The following AGPAT4 variants were observed in gnomAD, a reference collection of about 807,000 sequenced individuals.
AGPAT4 encodes the protein 1-acylglycerol-3-phosphate O-acyltransferase 4, also known as 1-acyl-sn-glycerol-3-phosphate acyltransferase delta.
Under a neutral mutation model 48.0 loss-of-function variants are expected in AGPAT4, and 15 were observed. The ratio of observed to expected loss-of-function variants is 0.31; its 90% CI spans 0.21 to 0.48. AGPAT4 has a LOEUF of 0.48. AGPAT4 is among the 20% of genes least tolerant of loss of function. AGPAT4 has a pLI of 0.99. For missense variants in AGPAT4, 314 were observed against 482.5 expected (o/e 0.65, Z 3.27); for synonymous variants, 178 against 198.7 (o/e 0.90, Z 0.88).
In AGPAT4 at chr6:161,136,351, G is replaced by GA. The variant is rs537340762; in HGVS notation, c.*188dup. On this transcript the variant is annotated 3_prime_UTR_variant, in exon 9 of 9. Transcript: ENST00000320285. Reference sequence around the variant, plus strand: ...ACCAAAGCCCACTAAAGCACATGGGGAAAAAAAGATTACAAAACATCTTCC... The same window carrying GA: ...ACCAAAGCCCACTAAAGCACATGGGGAAAAAAAAGATTACAAAACATCTTCC... 1 of 596,086 alleles carries GA rather than the reference G, an allele frequency of 1.7e-6. No homozygotes were observed. The highest frequency in any genetic ancestry group is 2.0e-5 in the South Asian group (1 of 50,390). 36.9% of individuals were successfully genotyped at this position (596,086 alleles called of 1,614,324 possible). A position where few individuals can be genotyped will look rare whatever the true frequency, so the allele number is the denominator to read the frequency against.
rs1219789051 is a variant in AGPAT4, at chr6:161,138,450, C to A, written c.1042+972G>T. On this transcript the variant is annotated intron_variant, in intron 8 of 8. Transcript: ENST00000320285. The surrounding 1 kb of genome is among the most constrained non-coding windows in gnomAD (Gnocchi z 4.8). ...GGTGAAAAGGCGAGCTGAAGAAACT[C>A]CACTGATACGGGTTTATAGATGCAC... Among the ~76,000 whole-genome samples, 1 of 152,072 alleles carries A rather than the reference C, an allele frequency of 6.6e-6. No homozygotes were observed. The highest frequency in any genetic ancestry group is 1.9e-4 in the East Asian group (1 of 5,174).
rs1456533226 is a variant in AGPAT4, at chr6:161,255,995, G to A, written c.-90+17943C>T. ...GCCATGTCAACACATAGAGGGACAT[G>A]CTGTTTAGATGAAGGAAATGAGCTG... is the stretch of plus-strand genomic sequence containing the variant. On this transcript the variant is annotated intron_variant, in intron 1 of 8. Transcript: ENST00000320285. This position sits in a 1 kb window ranked among gnomAD's most constrained non-coding sequence, Gnocchi z 4.7. 6.6e-6 allele frequency among the ~76,000 whole-genome samples: 1 copy of A among 152,194 alleles called. No individual in the cohort carries two copies. The highest frequency in any genetic ancestry group is 1.5e-5 in the Non-Finnish European group (1 of 68,048).
Position 161,232,036 on chromosome 6 carries a change from G to C in AGPAT4, c.178C>G (p.Gln60Glu). Reference sequence around the variant, plus strand: ...AAATATAGAATCTTAAGTATCTTACGGCTTGAGATGCAATAGGACAGTCTG... The same window carrying C: ...AAATATAGAATCTTAAGTATCTTACCGCTTGAGATGCAATAGGACAGTCTG... ...NCRLSYCISSQLVMLLEWWSG... is the reference protein window; with the variant it reads ...NCRLSYCISSELVMLLEWWSG... Residue 60 changes from glutamine (Q) to glutamate (E), a missense_variant and splice_region_variant, in exon 2 of 9, where the codon CAG (glutamine) becomes GAG (glutamate). Coordinates refer to ENST00000320285, the MANE Select transcript of AGPAT4 (RefSeq NM_020133.3). The surrounding 1 kb of genome is among the most constrained non-coding windows in gnomAD (Gnocchi z 6.8). 1 of 1,613,540 alleles carries C rather than the reference G, an allele frequency of 6.2e-7. No individual in the cohort carries two copies. Among genetic ancestry groups the C allele is most frequent in the African/African-American group, 1.3e-5 (1 of 74,998 alleles).
In AGPAT4 at chr6:161,240,504, G is replaced by A. The variant is rs1254654497; in HGVS notation, c.-89-8202C>T. Among the ~76,000 whole-genome samples, 2 of 152,216 alleles carry A rather than the reference G, an allele frequency of 1.3e-5. No homozygotes were observed. Among genetic ancestry groups the A allele is most frequent in the Admixed American group, 1.3e-4 (2 of 15,290 alleles). ...TCCCATCTACAGAGAAGATTCCCAA[G>A]TGGCCCAGGTTAACCAGACAAATAA... is the stretch of plus-strand genomic sequence containing the variant. On this transcript the variant is annotated intron_variant, in intron 1 of 8. Transcript: ENST00000320285. The surrounding 1 kb of genome is among the most constrained non-coding windows in gnomAD (Gnocchi z 5.5).
rs1261794959 is a variant in AGPAT4 at position 161,259,705 on chromosome 6, G to A, written c.-90+14233C>T. Reference sequence around the variant, plus strand: ...GGTCACCGCACAGTTCACATGCCCAGGAGGACTCTCTGGCTGAGTGGCACC... The same window carrying A: ...GGTCACCGCACAGTTCACATGCCCAAGAGGACTCTCTGGCTGAGTGGCACC... On this transcript the variant is annotated intron_variant, in intron 1 of 8. Transcript: ENST00000320285. This position sits in a 1 kb window ranked among gnomAD's most constrained non-coding sequence, Gnocchi z 4.9. Among the ~76,000 whole-genome samples, 2 of 152,146 alleles carry A rather than the reference G, an allele frequency of 1.3e-5. No homozygotes were observed. Among genetic ancestry groups the A allele is most frequent in the Non-Finnish European group, 2.9e-5 (2 of 68,020 alleles).
At position 161,264,105 on chromosome 6, in the gene AGPAT4, A is replaced by G. The variant is rs73019334; in HGVS notation, c.-90+9833T>C. ...TGCTGCGTAACACATGTTGATTACAAAGTACATAAATGATCACCTTATAAG... is the reference window on the plus strand; with the variant it reads ...TGCTGCGTAACACATGTTGATTACAGAGTACATAAATGATCACCTTATAAG... On this transcript the variant is annotated intron_variant, in intron 1 of 8. Coordinates refer to ENST00000320285, the MANE Select transcript of AGPAT4 (RefSeq NM_020133.3). This position sits in a 1 kb window ranked among gnomAD's most constrained non-coding sequence, Gnocchi z 6.8. Among the ~76,000 whole-genome samples, 6,529 of 152,288 alleles carry G rather than the reference A, an allele frequency of 0.043. 277 individuals carry two copies. Among genetic ancestry groups the G allele is most frequent in the East Asian group, 0.22 (1,145 of 5,172 alleles).
chr6:161,166,483 G>T lies in AGPAT4; in HGVS notation c.179-66C>A. On this transcript the variant is annotated intron_variant, in intron 2 of 8. Transcript: ENST00000320285. This position sits in a 1 kb window ranked among gnomAD's most constrained non-coding sequence, Gnocchi z 6.7. ...CCTTGTCCTGGGAGCCCTGCTGAGA[G>T]CAGGGCTCTGCCCTCCCAGCTAGGG... The T allele has an allele frequency of 6.6e-7, 1 of 1,510,030 alleles. No individual in the cohort carries two copies. The highest frequency in any genetic ancestry group is 8.8e-7 in the Non-Finnish European group (1 of 1,130,520). The allele number at this position is 1,510,030 out of a possible 1,614,324, so 93.5% of individuals were successfully genotyped here.
At chr6:161,211,607 G>C (rs1310204191) in intron 2 of AGPAT4, among the ~76,000 whole-genome samples, 1 of 152,094 alleles carries the variant, frequency 6.6e-6, no homozygotes, top group Non-Finnish European at 1.5e-5. Flanking sequence ...AACAGTCTGT[G>C]TAAGTCATAA....
rs1781994995 is a variant in AGPAT4 at position 161,226,830 on chromosome 6, A to C, written c.178+5206T>G. ...CAGGCAGAAGGAGTTTCCCCAGCCC[A>C]GCAATGACAGCAAAATGAAAGTGCT... On this transcript the variant is annotated intron_variant, in intron 2 of 8. Transcript: ENST00000320285. The surrounding 1 kb of genome is among the most constrained non-coding windows in gnomAD (Gnocchi z 6.3). 6.6e-6 allele frequency among the ~76,000 whole-genome samples: 1 copy of C among 152,152 alleles called. No homozygotes were observed. Among genetic ancestry groups the C allele is most frequent in the South Asian group, 2.1e-4 (1 of 4,830 alleles).
rs567741164 is a variant in AGPAT4 at position 161,137,176 on chromosome 6, C to T, written c.1043-542G>A. 3.7e-4 allele frequency among the ~76,000 whole-genome samples: 57 copies of T among 152,296 alleles called. 1 individual carries two copies. The highest frequency in any genetic ancestry group is 3.5e-3 in the Admixed American group (54 of 15,296). The stretch of plus-strand genomic sequence containing the variant: ...TACACCAGAGAATGGGCAGGACCCT[C>T]GTGGGAGCCCAGTTTAATATAGGAA... On this transcript the variant is annotated intron_variant, in intron 8 of 8. Transcript: ENST00000320285. This position sits in a 1 kb window ranked among gnomAD's most constrained non-coding sequence, Gnocchi z 6.1.
At position 161,242,666 on chromosome 6, in the gene AGPAT4, A is replaced by C. The variant is rs1422954896; in HGVS notation, c.-89-10364T>G. On this transcript the variant is annotated intron_variant, in intron 1 of 8. Transcript: ENST00000320285. This position sits in a 1 kb window ranked among gnomAD's most constrained non-coding sequence, Gnocchi z 5.0. ...TTATGCTCAGTCTGTGAAGTCTCCA[A>C]AAAATTTTATCAACTCCTGATGAAA... Among the ~76,000 whole-genome samples, 1 of 152,224 alleles carries C rather than the reference A, an allele frequency of 6.6e-6. No homozygotes were observed. The highest frequency in any genetic ancestry group is 6.5e-5 in the Admixed American group (1 of 15,280).
intron 2 of AGPAT4, among the ~76,000 whole-genome samples, chr6:161,211,353 T>G (rs1781517363): frequency 1.3e-5 from 2 of 152,130 alleles, no homozygotes; most frequent in African/African-American, 4.8e-5. Flanking sequence ...AGATGAACAA[T>G]TTTTGTCTAA....
At position 161,255,274 on chromosome 6, in the gene AGPAT4, G is replaced by A. The variant is rs549603763; in HGVS notation, c.-90+18664C>T. Among the ~76,000 whole-genome samples the A allele has an allele frequency of 4.6e-5, 7 of 152,256 alleles. No homozygotes were observed. The highest frequency in any genetic ancestry group is 2.1e-4 in the South Asian group (1 of 4,820). ...TCTGCAAAATACCATTGCTTCTTTCGCTTCAGAAAAGATTTTGGGAAGTGA... is the reference window on the plus strand; with the variant it reads ...TCTGCAAAATACCATTGCTTCTTTCACTTCAGAAAAGATTTTGGGAAGTGA... On this transcript the variant is annotated intron_variant, in intron 1 of 8. Transcript: ENST00000320285. The surrounding 1 kb of genome is among the most constrained non-coding windows in gnomAD (Gnocchi z 4.7).
chr6:161,219,959 C>CAG lies in AGPAT4; in HGVS notation c.178+12075_178+12076dup, dbSNP rs1438032493. Among the ~76,000 whole-genome samples, 3 of 151,460 alleles carry CAG rather than the reference C, an allele frequency of 2.0e-5. No homozygotes were observed. The highest frequency in any genetic ancestry group is 1.9e-4 in the East Asian group (1 of 5,136). On this transcript the variant is annotated intron_variant, in intron 2 of 8. Coordinates refer to ENST00000320285, the MANE Select transcript of AGPAT4 (RefSeq NM_020133.3). The surrounding 1 kb of genome is among the most constrained non-coding windows in gnomAD (Gnocchi z 4.9). ...GCAGGCAGGCAGGCAGACAGACAGA[C>CAG]AGACAGACAGGCAGGCAGATAGATA...
intron 2 of AGPAT4, among the ~76,000 whole-genome samples, chr6:161,167,912 T>A (rs866122991): frequency 6.6e-6 from 1 of 152,240 alleles, no homozygotes; most frequent in South Asian, 2.1e-4. Flanking sequence ...CCCAGCAAAC[T>A]GAAGCTATCA....
intron 1 of AGPAT4, 76 bp downstream of exon 1, chr6:161,273,862 A>G (rs1004526773): frequency 3.3e-5 from 5 of 151,252 alleles, no homozygotes; most frequent in Admixed American, 3.3e-4. Context: ...AGAGAAAAAT[A>G]TGCTGGGAAG....
rs943907365 is a variant in AGPAT4, at chr6:161,140,448, C to T, written c.844-828G>A. Among the ~76,000 whole-genome samples, 1 of 152,236 alleles carries T rather than the reference C, an allele frequency of 6.6e-6. No individual in the cohort carries two copies. The highest frequency in any genetic ancestry group is 2.4e-5 in the African/African-American group (1 of 41,464). The stretch of plus-strand genomic sequence containing the variant: ...GGGCAGTTACTCCAGAGCCTCATGG[C>T]GCTCCTTGCAGTCCCTGGGTGAGAA... On this transcript the variant is annotated intron_variant, in intron 7 of 8. Coordinates refer to ENST00000320285, the MANE Select transcript of AGPAT4 (RefSeq NM_020133.3). This position sits in a 1 kb window ranked among gnomAD's most constrained non-coding sequence, Gnocchi z 6.5.
At position 161,133,905 on chromosome 6, in the gene AGPAT4, A is replaced by G. The variant is rs1778982638; in HGVS notation, c.*2635T>C. The G allele has an allele frequency of 6.6e-6, 1 of 152,212 alleles. No homozygotes were observed. The highest frequency in any genetic ancestry group is 2.1e-4 in the South Asian group (1 of 4,824). 9.4% of individuals were successfully genotyped at this position (152,212 alleles called of 1,614,324 possible). On this transcript the variant is annotated 3_prime_UTR_variant, in exon 9 of 9. Transcript: ENST00000320285. ...GGCTCCGTGGGTTTTCAACTCGTAG[A>G]AAAAATAACCCTGGGAACCAAAGCA...
chr6:161,267,993 T>A lies in AGPAT4; in HGVS notation c.-90+5945A>T, dbSNP rs62437578. On this transcript the variant is annotated intron_variant, in intron 1 of 8. Transcript: ENST00000320285. This position sits in a 1 kb window ranked among gnomAD's most constrained non-coding sequence, Gnocchi z 5.2. ...GACTGTGGAATATGCCATGGCAAGG[T>A]GTGAAGGTACAGGGGAAAGCAGAGC... is the stretch of plus-strand genomic sequence containing the variant. Among the ~76,000 whole-genome samples the A allele has an allele frequency of 1.4e-4, 22 of 152,112 alleles. 1 individual carries two copies. Among genetic ancestry groups the A allele is most frequent in the South Asian group, 8.3e-4 (4 of 4,830 alleles).
Sources: gnomAD v4.1 joint callset for allele counts (sites outside exome capture counted in the v4.1 genomes callset) on GRCh38, gnomAD v4.1.1 for gene constraint, Gnocchi (gnomAD v3.1) non-coding constraint, MANE v1.5 for transcripts, NCBI Gene and HGNC (gene_info 2026-07-23, HGNC 2026-07-21) for gene names.